The following SRRM3 variants were observed in gnomAD, a reference collection of about 807,000 sequenced individuals.
SRRM3 encodes the protein serine/arginine repetitive matrix protein 3.
In SRRM3, 27 loss-of-function variants were observed where a neutral mutation model predicts 66.2. The ratio of observed to expected loss-of-function variants is 0.41; its 90% confidence interval spans 0.30 to 0.56. SRRM3 has a LOEUF of 0.56. Ranked by LOEUF, SRRM3 falls within the 20% of genes least tolerant of loss-of-function variation. The pLI, the probability that SRRM3 is intolerant of heterozygous loss-of-function variation, is 0.32. For missense variants in SRRM3, 918 were observed against 991.9 expected (o/e 0.93, Z 1.00); for synonymous variants, 391 against 414.9 (o/e 0.94, Z 0.70).
At chr7:76,265,063 C>T (rs1801974732) in intron 9 of SRRM3, among the ~76,000 whole-genome samples, 1 of 152,136 alleles carries the variant, frequency 6.6e-6, no homozygotes. Context: ...TCCTTCCTCC[C>T]ACCCCACAAG....
chr7:76,283,400 T>G, intron 14 of SRRM3: 1 of 537,652 alleles, frequency 1.9e-6, no homozygotes, highest in African/African-American at 1.9e-5. Flanking sequence ...TACTTGGGTC[T>G]GGGTGGGCCG....
At chr7:76,230,271 G>T (rs1196046393) in intron 1 of SRRM3, among the ~76,000 whole-genome samples, 1 of 152,098 alleles carries the variant, frequency 6.6e-6, no homozygotes, top group Non-Finnish European at 1.5e-5. Context: ...CCATTAACCA[G>T]CTCCTTTTGA....
chr7:76,241,162 A>G (rs1359267333), intron 2 of SRRM3, among the ~76,000 whole-genome samples: 1 of 151,988 alleles, frequency 6.6e-6, no homozygotes, highest in Non-Finnish European at 1.5e-5. Flanking sequence ...CTCCCAAAGT[A>G]CTGAGATTGC....
intron 1 of SRRM3, among the ~76,000 whole-genome samples, chr7:76,216,001 G>C (rs1311469158): frequency 1.3e-5 from 2 of 151,236 alleles, no homozygotes; most frequent in Non-Finnish European, 2.9e-5. Context: ...TAGAGACGGG[G>C]TTTCACCGTG....
Position 76,235,030 on chromosome 7 carries a change from C to T in SRRM3, c.-37C>T. The T allele has an allele frequency of 1.3e-6, 2 of 1,511,042 alleles. No homozygotes were observed. Among genetic ancestry groups the T allele is most frequent in the Non-Finnish European group, 1.8e-6 (2 of 1,131,860 alleles). The allele number at this position is 1,511,042 out of a possible 1,614,324, so 93.6% of individuals were successfully genotyped here. A position where few individuals can be genotyped will look rare whatever the true frequency, so the allele number is the denominator to read the frequency against. On this transcript the variant is annotated splice_region_variant and 5_prime_UTR_variant, in exon 2 of 15. Coordinates refer to ENST00000611745, the MANE Select transcript of SRRM3 (RefSeq NM_001110199.3). ...TCGTGTCTGTGTCTGTCCCTCAGGG[C>T]CAGCGGCCCAGGCCAGCGGCTCCAG...
intron 11 of SRRM3, 72 bp from the exon 12 acceptor site, chr7:76,281,368 CT>C (rs2117115772): frequency 9.1e-7 from 1 of 1,094,158 alleles, no homozygotes; most frequent in Admixed American, 4.9e-5. Context: ...TGTCTCCTCT[CT>C]TCTCTCTCTG....
rs1161706465 is a variant in SRRM3, at chr7:76,236,005, C to CAAAAAAAAAA, written c.233+722_233+731dup. On this transcript the variant is annotated intron_variant, in intron 2 of 14. Transcript: ENST00000611745. Reference sequence around the variant, plus strand: ...TGGGCAACAGATCGAGATTCTGTCTCAAAAAAAAAAAAAAAAAAAAAAAAA... The same window carrying CAAAAAAAAAA: ...TGGGCAACAGATCGAGATTCTGTCTCAAAAAAAAAAAAAAAAAAAAAAAAAAAAAAAAAAA... Among the ~76,000 whole-genome samples, 45 of 20,276 alleles carry CAAAAAAAAAA rather than the reference C, an allele frequency of 2.2e-3. 4 individuals are homozygous for CAAAAAAAAAA. Among genetic ancestry groups the CAAAAAAAAAA allele is most frequent in the African/African-American group, 6.4e-3 (40 of 6,226 alleles). 13.3% of individuals were successfully genotyped at this position (20,276 alleles called of 152,430 possible). A position where few individuals can be genotyped will look rare whatever the true frequency, so the allele number is the denominator to read the frequency against.
At chr7:76,255,308 C>T (rs1554607556) in intron 3 of SRRM3, among the ~76,000 whole-genome samples, 1 of 151,954 alleles carries the variant, frequency 6.6e-6, no homozygotes, top group East Asian at 1.9e-4. Context: ...TGCCACCACA[C>T]CCAGCTAATT....
Position 76,214,935 on chromosome 7 carries a change from A to AGGGC in SRRM3, c.-40+12869_-40+12872dup, listed in dbSNP as rs1341825561. Among the ~76,000 whole-genome samples the AGGGC allele has an allele frequency of 2.0e-5, 3 of 151,960 alleles. No homozygotes were observed. The East Asian group carries it at 5.8e-4, about 29-fold the overall frequency. ...GGAGACTTTCCTTCCTCCATCCCCA[A>AGGGC]GGGCTGTAAAGACCTCAGAGGGAGA... On this transcript the variant is annotated intron_variant, in intron 1 of 14. Transcript: ENST00000611745.
At chr7:76,215,976 T>C (rs1800560080) in intron 1 of SRRM3, among the ~76,000 whole-genome samples, 1 of 150,912 alleles carries the variant, frequency 6.6e-6, no homozygotes, top group South Asian at 2.1e-4. Context: ...TTTTTTTTTT[T>C]TTTTGTATTT....
At chr7:76,202,999 C>T (rs1379557418) in intron 1 of SRRM3, among the ~76,000 whole-genome samples, 2 of 152,178 alleles carry the variant, frequency 1.3e-5, no homozygotes, top group East Asian at 1.9e-4. Context: ...ACCCTAGCAT[C>T]GGGGGCTTGA....
rs185694298 is a variant in SRRM3 at position 76,261,536 on chromosome 7, C to T, written c.639-10C>T. On this transcript the variant is annotated splice_polypyrimidine_tract_variant and intron_variant, in intron 7 of 14. Coordinates refer to ENST00000611745, the MANE Select transcript of SRRM3 (RefSeq NM_001110199.3). ...GGCAGGCTCAAGAGAACTCCTTTATCGCCCTACAGGTCTGATTCTGGGTCC... is the reference window on the plus strand; with the variant it reads ...GGCAGGCTCAAGAGAACTCCTTTATTGCCCTACAGGTCTGATTCTGGGTCC... The T allele has an allele frequency of 3.7e-5, 59 of 1,611,220 alleles. No homozygotes were observed. Among genetic ancestry groups the T allele is most frequent in the Middle Eastern group, 3.3e-4 (2 of 6,060 alleles).
intron 12 of SRRM3, 79 bp from the exon 13 acceptor site, chr7:76,282,569 C>CAA: frequency 1.7e-6 from 1 of 595,194 alleles, no homozygotes; most frequent in Non-Finnish European, 2.5e-6. Context: ...GCCCTAAGCC[C>CAA]CGCCCCAGGG....
chr7:76,258,560 A>C (rs1368254717), intron 3 of SRRM3, among the ~76,000 whole-genome samples: 1 of 151,396 alleles, frequency 6.6e-6, no homozygotes, highest in Non-Finnish European at 1.5e-5. Context: ...TAAAAATACA[A>C]AAAATTAGCT....
Position 76,285,852 on chromosome 7 carries a change from A to G in SRRM3, c.*9A>G, listed in dbSNP as rs782067484. The G allele has an allele frequency of 1.3e-6, 2 of 1,542,978 alleles. No homozygotes were observed. The highest frequency in any genetic ancestry group is 2.4e-5 in the South Asian group (2 of 83,650). ...AGAGCGGGGGCTTCTGAGCCCAGAC[A>G]GACTCAGCTTGGTGCCCCCCTGGCA... is the stretch of plus-strand genomic sequence containing the variant. On this transcript the variant is annotated 3_prime_UTR_variant, in exon 15 of 15. Transcript: ENST00000611745. This position sits in a 1 kb window ranked among gnomAD's most constrained non-coding sequence, Gnocchi z 4.1.
chr7:76,227,764 T>C (rs528060265), intron 1 of SRRM3, among the ~76,000 whole-genome samples: 5 of 152,318 alleles, frequency 3.3e-5, no homozygotes, highest in East Asian at 3.9e-4. Flanking sequence ...GTTGGGTGAG[T>C]GTTTGTTGAG....
At chr7:76,244,652 G>A (rs917530517) in intron 2 of SRRM3, among the ~76,000 whole-genome samples, 8 of 151,906 alleles carry the variant, frequency 5.3e-5, no homozygotes, top group African/African-American at 1.9e-4. Flanking sequence ...TGGTCCCCAA[G>A]CCATCTCCCT....
chr7:76,262,820 A>AAAAGGAAG (rs1801915519), intron 8 of SRRM3, among the ~76,000 whole-genome samples: 1 of 150,110 alleles, frequency 6.7e-6, no homozygotes, highest in African/African-American at 2.5e-5. Flanking sequence ...CATCTCAAAA[A>AAAAGGAAG]AAAGAAAGAA....
rs782248847 is a variant in SRRM3 at position 76,248,256 on chromosome 7, T to C, written c.302T>C (p.Val101Ala). Residue 101 changes from valine (V) to alanine (A), a missense_variant, in exon 3 of 15, where the codon GTG becomes GCG. Transcript: ENST00000611745. ...CAGATGCTGATGGAGAAGGAGGGAG[T>C]GCTCACCAGGGAGGACCGGCCTGGG... Reference protein sequence around the residue: ...FRQMLMEKEGVLTREDRPGGH... With the variant: ...FRQMLMEKEGALTREDRPGGH... 1.2e-6 allele frequency: 2 copies of C among 1,612,726 alleles called. No individual in the cohort carries two copies. Among genetic ancestry groups the C allele is most frequent in the African/African-American group, 1.3e-5 (1 of 74,552 alleles).
Sources: allele counts gnomAD v4.1 joint callset (sites outside exome capture counted in the v4.1 genomes callset), GRCh38; gene constraint gnomAD v4.1.1; non-coding constraint Gnocchi (gnomAD v3.1); transcripts MANE v1.5; gene names NCBI Gene and HGNC (gene_info 2026-07-23, HGNC 2026-07-21).